The following CADPS variants were observed in gnomAD, a reference collection of about 807,000 sequenced individuals.
The protein encoded by CADPS is calcium-dependent secretion activator 1.
In CADPS, 57 loss-of-function variants were observed where a neutral mutation model predicts 167.3. The ratio of observed to expected loss-of-function variants is 0.34; its 90% CI spans 0.28 to 0.42. The LOEUF (loss-of-function observed/expected upper bound fraction) is 0.42, where lower values mean the gene tolerates loss of function less well. Ranked by LOEUF, CADPS falls within the 20% of genes least tolerant of loss-of-function variation. The pLI, the probability that CADPS is intolerant of heterozygous loss-of-function variation, is 1.00. For synonymous variants in CADPS, 676 were observed against 635.3 expected (o/e 1.06, Z -0.96); for missense variants, 1,414 against 1,738.1 (o/e 0.81, Z 3.32).
chr3:62,653,506 C>T (rs1244788588), intron 4 of CADPS, among the ~76,000 whole-genome samples: 11 of 152,132 alleles, frequency 7.2e-5, no homozygotes, highest in Admixed American at 6.5e-4. Flanking sequence ...TAGACTAAGA[C>T]ACTTGTTATA....
At chr3:62,848,123 G>C (rs1355647816) in intron 1 of CADPS, among the ~76,000 whole-genome samples, 2 of 143,696 alleles carry the variant, frequency 1.4e-5, no homozygotes, top group Non-Finnish European at 3.0e-5. Context: ...TTTTGATGGG[G>C]TTGTTCGTTT....
intron 14 of CADPS, among the ~76,000 whole-genome samples, chr3:62,517,141 C>G (rs760084949): frequency 3.3e-5 from 5 of 151,996 alleles, no homozygotes; most frequent in Non-Finnish European, 7.4e-5. Context: ...CGTCTGCTAC[C>G]GGTAATGCAT....
At chr3:62,488,043 C>A (rs951405527) in intron 21 of CADPS, among the ~76,000 whole-genome samples, 1 of 152,072 alleles carries the variant, frequency 6.6e-6, no homozygotes, top group African/African-American at 2.4e-5. Flanking sequence ...TTGAGGATAA[C>A]AATTGTTTGA....
chr3:62,528,500 G>A (rs2072861519), intron 13 of CADPS, among the ~76,000 whole-genome samples: 1 of 152,132 alleles, frequency 6.6e-6, no homozygotes, highest in Non-Finnish European at 1.5e-5. Flanking sequence ...TATTTAAATT[G>A]CACCTTCGAA....
intron 6 of CADPS, among the ~76,000 whole-genome samples, chr3:62,642,087 C>T (rs1235566787): frequency 1.4e-5 from 2 of 141,944 alleles, no homozygotes; most frequent in African/African-American, 2.6e-5. Context: ...ATGTTATGTA[C>T]TCCTAAATTT....
Position 62,536,432 on chromosome 3 carries a change from A to T in CADPS, c.2103+13T>A, listed in dbSNP as rs2074707125. 6.2e-7 allele frequency: 1 copy of T among 1,610,172 alleles called. No individual in the cohort carries two copies. Among genetic ancestry groups the T allele is most frequent in the African/African-American group, 1.3e-5 (1 of 74,776 alleles). ...TTATGTTTAAATTGCTGTAGACCAA[A>T]GAATATACTTGCCAGGCAAGAATAG... On this transcript the variant is annotated intron_variant, in intron 12 of 29. Transcript: ENST00000383710.
chr3:62,562,413 A>T (rs2079334064), intron 9 of CADPS, among the ~76,000 whole-genome samples: 1 of 152,230 alleles, frequency 6.6e-6, no homozygotes, highest in African/African-American at 2.4e-5. Flanking sequence ...AAGGCAGTTC[A>T]GTTAACTTTT....
intron 24 of CADPS, among the ~76,000 whole-genome samples, chr3:62,471,114 T>C (rs1304162866): frequency 6.6e-6 from 1 of 152,204 alleles, no homozygotes; most frequent in Non-Finnish European, 1.5e-5. Context: ...GGTTGTGTGT[T>C]GCATGCTATG....
chr3:62,452,478 T>C (rs2058191208), intron 26 of CADPS, among the ~76,000 whole-genome samples: 1 of 152,212 alleles, frequency 6.6e-6, no homozygotes, highest in Non-Finnish European at 1.5e-5. Context: ...ACAGTTCTAT[T>C]GGACAGTGCT....
intron 28 of CADPS, among the ~76,000 whole-genome samples, chr3:62,419,268 T>C (rs1262893340): frequency 6.6e-6 from 1 of 152,160 alleles, no homozygotes; most frequent in East Asian, 1.9e-4. Flanking sequence ...AGGGCAGGTG[T>C]GCAGTTTGGG....
At position 62,765,922 on chromosome 3, in the gene CADPS, G is replaced by C. The variant is rs1326146067; in HGVS notation, c.504C>G (p.Thr168=). Residue 168 remains threonine (T), a synonymous_variant, in exon 2 of 30, where the codon ACC becomes ACG. Transcript: ENST00000383710. ...DRFQAFLNGE[T]QIMADEAFMN... ...TGAAGGCTTCGTCAGCCATGATCTG[G>C]GTTTCCCCATTGAGGAAAGCCTGAA... 1 of 1,613,446 alleles carries C rather than the reference G, an allele frequency of 6.2e-7. No individual in the cohort carries two copies. Among genetic ancestry groups the C allele is most frequent in the Non-Finnish European group, 8.5e-7 (1 of 1,179,542 alleles).
At chr3:62,855,260 A>G (rs1449549967) in intron 1 of CADPS, among the ~76,000 whole-genome samples, 1 of 151,852 alleles carries the variant, frequency 6.6e-6, no homozygotes, top group Admixed American at 6.6e-5. Context: ...TGGATTATTT[A>G]GAATGAGCTC....
At chr3:62,653,111 C>T (rs2070655220) in intron 4 of CADPS, among the ~76,000 whole-genome samples, 1 of 152,148 alleles carries the variant, frequency 6.6e-6, no homozygotes, top group Non-Finnish European at 1.5e-5. Flanking sequence ...GGGTTGGGTC[C>T]TCCTGTTGTA....
chr3:62,600,599 T>A (rs1046393680), intron 6 of CADPS, among the ~76,000 whole-genome samples: 2 of 152,178 alleles, frequency 1.3e-5, no homozygotes, highest in African/African-American at 4.8e-5. Context: ...GGATTCTATC[T>A]CCAAATAGTG....
intron 1 of CADPS, among the ~76,000 whole-genome samples, chr3:62,806,544 G>T (rs986806700): frequency 2.6e-5 from 4 of 151,932 alleles, no homozygotes. Flanking sequence ...TAAATAAAAA[G>T]AAACAGGGCA....
intron 3 of CADPS, among the ~76,000 whole-genome samples, chr3:62,705,996 A>C (rs2082236509): frequency 2.0e-5 from 3 of 152,124 alleles, no homozygotes; most frequent in Admixed American, 1.3e-4. Flanking sequence ...GATGGCGTCC[A>C]AGGCCCTGCT....
intron 1 of CADPS, chr3:62,814,632 T>C (rs1289492286): frequency 6.6e-6 from 1 of 152,174 alleles, no homozygotes; most frequent in Non-Finnish European, 1.5e-5. Flanking sequence ...AAGAAGTTAC[T>C]CTATGAGAGA....
At chr3:62,669,877 T>C (rs1345811620) in intron 3 of CADPS, among the ~76,000 whole-genome samples, 4 of 152,312 alleles carry the variant, frequency 2.6e-5, no homozygotes. Flanking sequence ...ATATTCTCCC[T>C]TACAGAAGTT....
At chr3:62,615,717 A>C (rs562111590) in intron 6 of CADPS, among the ~76,000 whole-genome samples, 43 of 152,246 alleles carry the variant, frequency 2.8e-4, no homozygotes, top group African/African-American at 8.7e-4. Flanking sequence ...CCCCCAATAC[A>C]CACCCACCCA....
Sources: allele counts gnomAD v4.1 joint callset (sites outside exome capture counted in the v4.1 genomes callset), GRCh38; gene constraint gnomAD v4.1.1; transcripts MANE v1.5; gene names NCBI Gene and HGNC (gene_info 2026-07-23, HGNC 2026-07-21).